The following ANKMY1 variants were observed in gnomAD, a reference collection of about 807,000 sequenced individuals.
ANKMY1 encodes ankyrin repeat and MYND domain-containing protein 1.
ANKMY1 carries 98 observed loss-of-function variants against 102.0 expected under a neutral mutation model. The observed-to-expected ratio is 0.96, with a 90% confidence interval of 0.82 to 1.14. The LOEUF is 1.14. Ranked by LOEUF, ANKMY1 falls within the 50% of genes most tolerant of loss-of-function variation. The probability of loss-of-function intolerance (pLI) is 0.00; values close to 1 mark genes in which losing one functional copy is unlikely to be tolerated. For synonymous variants in ANKMY1, 582 were observed against 559.9 expected (o/e 1.04, Z -0.56); for missense variants, 1,330 against 1,347.6 (o/e 0.99, Z 0.20).
chr2:240,479,435 A>G lies in ANKMY1; in HGVS notation c.*174T>C. Reference sequence around the variant, plus strand: ...GAGCACAGCACAGACTGTCAAAATCACCCCGTGGGGCCAATTTATTGCGAG... The same window carrying G: ...GAGCACAGCACAGACTGTCAAAATCGCCCCGTGGGGCCAATTTATTGCGAG... On this transcript the variant is annotated 3_prime_UTR_variant, in exon 18 of 18. Transcript: ENST00000401804. 1 of 772,182 alleles carries G rather than the reference A, an allele frequency of 1.3e-6. No homozygotes were observed. The highest frequency in any genetic ancestry group is 2.2e-6 in the Non-Finnish European group (1 of 462,696). The allele number at this position is 772,182 out of a possible 1,614,324, so 47.8% of individuals were successfully genotyped here.
intron 9 of ANKMY1, among the ~76,000 whole-genome samples, chr2:240,516,722 T>A (rs980721147): frequency 5.3e-5 from 8 of 152,232 alleles, no homozygotes; most frequent in Admixed American, 3.9e-4. Context: ...GAAAGGACTA[T>A]TGAATGCATG....
intron 9 of ANKMY1, among the ~76,000 whole-genome samples, chr2:240,513,623 G>C (rs2080660795): frequency 6.6e-6 from 1 of 152,268 alleles, no homozygotes. Flanking sequence ...CCAGCATGAG[G>C]ACCAGCCACA....
intron 5 of ANKMY1, chr2:240,527,173 T>C (rs1226769600): frequency 1.5e-5 from 3 of 195,264 alleles, no homozygotes; most frequent in Non-Finnish European, 2.7e-5. Flanking sequence ...GGTAGATGAA[T>C]AGATGGATAA....
chr2:240,535,240 T>C (rs564136285), intron 4 of ANKMY1, among the ~76,000 whole-genome samples: 11 of 152,218 alleles, frequency 7.2e-5, no homozygotes, highest in African/African-American at 2.7e-4. Flanking sequence ...AGGAAATACA[T>C]TGGTTTAGTT....
chr2:240,529,106 C>T lies in ANKMY1; in HGVS notation c.884G>A (p.Gly295Glu). Reference protein sequence around the residue: ...LNEIPPFVEDGEPWFIINETP... With the variant: ...LNEIPPFVEDEEPWFIINETP... ...CTCATTGATTATGAACCATGGTTCT[C>T]CATCCTCAACGAACGGAGGAATTTC... Residue 295 changes from glycine (G) to glutamate (E), a missense_variant, in exon 5 of 18, where the codon GGA (glycine) becomes GAA (glutamate). Physicochemically the swap from Gly to Glu is moderately conservative, Grantham distance 98. Coordinates refer to ENST00000401804, the MANE Select transcript of ANKMY1 (RefSeq NM_001282771.3). The surrounding 1 kb of genome is among the most constrained non-coding windows in gnomAD (Gnocchi z 4.2). 1.9e-6 allele frequency: 3 copies of T among 1,614,180 alleles called. No homozygotes were observed. Among genetic ancestry groups the T allele is most frequent in the Non-Finnish European group, 1.7e-6 (2 of 1,180,034 alleles).
At chr2:240,526,623 A>C (rs565024603) in intron 5 of ANKMY1, 178 bp from the exon 6 acceptor site, 3 of 1,451,878 alleles carry the variant, frequency 2.1e-6, no homozygotes, top group Non-Finnish European at 2.7e-6. Context: ...ACAATCCACT[A>C]GGTTGCACAC....
intron 5 of ANKMY1, chr2:240,527,083 G>A (rs1264499777): frequency 1.4e-6 from 1 of 690,466 alleles, no homozygotes; most frequent in Non-Finnish European, 1.8e-6. Flanking sequence ...TGGATGAATG[G>A]ATGGGTGGGT....
chr2:240,518,294 A>G (rs1434259805), intron 9 of ANKMY1, among the ~76,000 whole-genome samples: 1 of 152,154 alleles, frequency 6.6e-6, no homozygotes, highest in African/African-American at 2.4e-5. Flanking sequence ...ACTAGATCAC[A>G]GCATCTGGAC....
Position 240,523,917 on chromosome 2 carries a change from C to T in ANKMY1, c.1800G>A (p.Gly600=), listed in dbSNP as rs1389628486. 6.2e-7 allele frequency: 1 copy of T among 1,613,584 alleles called. No individual in the cohort carries two copies. Reference sequence around the variant, plus strand: ...TGGACAGCGCCATCCTCCGCATGGTCCCTTTGTCGAAGCTGCTGGTGCACG... The same window carrying T: ...TGGACAGCGCCATCCTCCGCATGGTTCCTTTGTCGAAGCTGCTGGTGCACG... The part of the protein sequence containing the change: ...PSPCTSSFDK[G]TMRRMALSMI... Residue 600 remains glycine, a synonymous_variant, in exon 8 of 18, where the codon GGG becomes GGA. Coordinates refer to ENST00000401804, the MANE Select transcript of ANKMY1 (RefSeq NM_001282771.3).
chr2:240,488,525 T>A (rs2076303400), intron 15 of ANKMY1, among the ~76,000 whole-genome samples: 1 of 152,228 alleles, frequency 6.6e-6, no homozygotes, highest in Admixed American at 6.5e-5. Context: ...GGTATTTTGA[T>A]AGGGATTGTA....
the ANKMY1 span, among the ~76,000 whole-genome samples, chr2:240,471,807 G>A: frequency 6.6e-6 from 1 of 152,182 alleles, no homozygotes; most frequent in Non-Finnish European, 1.5e-5. Flanking sequence ...TTGCACCCAG[G>A]TTGCAGCTCG....
intron 13 of ANKMY1, among the ~76,000 whole-genome samples, chr2:240,501,195 A>G (rs1410835789): frequency 1.3e-5 from 2 of 151,144 alleles, no homozygotes; most frequent in African/African-American, 4.9e-5. Context: ...GTAGGTGTGC[A>G]GTATGTGTGC....
At chr2:240,535,500 G>A (rs58893857) in intron 4 of ANKMY1, among the ~76,000 whole-genome samples, 2,422 of 152,266 alleles carry the variant, frequency 0.016, 79 homozygotes, top group African/African-American at 0.055. Context: ...AAGAAAGGAA[G>A]GAAAACAAAG....
Position 240,512,995 on chromosome 2 carries a change from C to A in ANKMY1, c.2005-53G>T, listed in dbSNP as rs185482377. 180 of 1,580,718 alleles carry A rather than the reference C, an allele frequency of 1.1e-4. No homozygotes were observed. In the East Asian group the frequency reaches 1.3e-3, roughly 12 times the overall value. On this transcript the variant is annotated intron_variant, in intron 9 of 17. Transcript: ENST00000401804. ...TGAGGCACATTCTCGTAGGGAGAGA[C>A]AGGTGAGGTACCTGAGGGACCCAAA...
intron 4 of ANKMY1, among the ~76,000 whole-genome samples, chr2:240,533,718 AACACACACAC>A (rs34916770): frequency 4.5e-4 from 65 of 145,630 alleles, no homozygotes; most frequent in South Asian, 9.0e-4. Flanking sequence ...GATTTCAATA[AACACACACAC>A]ACACACACAC....
chr2:240,502,949 C>T (rs1034565191), intron 13 of ANKMY1, among the ~76,000 whole-genome samples: 4 of 152,100 alleles, frequency 2.6e-5, no homozygotes, highest in East Asian at 1.9e-4. Flanking sequence ...GGCATGCCCT[C>T]GGCTGCAGCT....
intron 4 of ANKMY1, among the ~76,000 whole-genome samples, chr2:240,542,993 T>G (rs1452557976): frequency 6.6e-6 from 1 of 151,640 alleles, no homozygotes; most frequent in East Asian, 1.9e-4. Context: ...TAGTATTAAA[T>G]AAGTCCAAGC....
At chr2:240,490,233 T>G (rs2076488887) in intron 15 of ANKMY1, among the ~76,000 whole-genome samples, 2 of 152,220 alleles carry the variant, frequency 1.3e-5, no homozygotes, top group South Asian at 4.1e-4. Flanking sequence ...AATCAACTTT[T>G]TATTTCATTG....
chr2:240,504,238 G>T (rs910742027), intron 13 of ANKMY1, among the ~76,000 whole-genome samples: 1 of 152,208 alleles, frequency 6.6e-6, no homozygotes, highest in Non-Finnish European at 1.5e-5. Context: ...CATCATTTAT[G>T]TATACCCCCA....
Sources: gnomAD v4.1 joint callset for allele counts (sites outside exome capture counted in the v4.1 genomes callset) on GRCh38, gnomAD v4.1.1 for gene constraint, Gnocchi (gnomAD v3.1) non-coding constraint, MANE v1.5 for transcripts, NCBI Gene and HGNC (gene_info 2026-07-23, HGNC 2026-07-21) for gene names.